The following SORCS1 variants were observed in gnomAD, a reference collection of about 807,000 sequenced individuals.
SORCS1 encodes the protein sortilin related VPS10 domain containing receptor 1.
In SORCS1, 60 loss-of-function variants were observed where a neutral mutation model predicts 146.1. That is an observed-to-expected ratio of 0.41 (90% CI 0.33 to 0.51). SORCS1 has a LOEUF of 0.51. Ranked by LOEUF, SORCS1 falls within the 20% of genes least tolerant of loss-of-function variation. SORCS1 has a pLI of 0.21. For synonymous variants in SORCS1, 637 were observed against 584.0 expected, an observed-to-expected ratio of 1.09 and a Z score of -1.31; for missense variants, 1,352 against 1,487.6, an observed-to-expected ratio of 0.91 and a Z score of 1.50.
At chr10:107,175,477 A>G in the SORCS1 span, among the ~76,000 whole-genome samples, 1 of 151,980 alleles carries the variant, frequency 6.6e-6, no homozygotes, top group Non-Finnish European at 1.5e-5. Context: ...TCGCTCTGTC[A>G]CCCGGGCTGG....
intron 1 of SORCS1, among the ~76,000 whole-genome samples, chr10:107,091,031 T>TC (rs1964146275): frequency 6.6e-6 from 1 of 152,092 alleles, no homozygotes; most frequent in African/African-American, 2.4e-5. Context: ...AAGCTCTATC[T>TC]CCATGAGGTG....
chr10:106,598,927 C>G (rs1272965751), intron 23 of SORCS1, among the ~76,000 whole-genome samples: 1 of 152,166 alleles, frequency 6.6e-6, no homozygotes, highest in Non-Finnish European at 1.5e-5. Context: ...CACCTGGGAT[C>G]CAGAGCAAGC....
chr10:107,139,458 T>C (rs1482411921), intron 1 of SORCS1, among the ~76,000 whole-genome samples: 2 of 152,060 alleles, frequency 1.3e-5, no homozygotes, highest in East Asian at 1.9e-4. Flanking sequence ...CTGCAATCAA[T>C]TGGTGACTGC....
intron 6 of SORCS1, among the ~76,000 whole-genome samples, chr10:106,715,472 G>A (rs559669792): frequency 6.6e-6 from 1 of 152,320 alleles, no homozygotes; most frequent in Non-Finnish European, 1.5e-5. Context: ...GAGGATCAGA[G>A]GTTTAAATGC....
At chr10:106,935,620 T>A (rs747034312) in intron 2 of SORCS1, among the ~76,000 whole-genome samples, 5 of 152,202 alleles carry the variant, frequency 3.3e-5, no homozygotes, top group Non-Finnish European at 5.9e-5. Flanking sequence ...TTATTAGAAA[T>A]GTAGAATGTT....
intron 2 of SORCS1, among the ~76,000 whole-genome samples, chr10:106,907,320 A>C (rs573333481): frequency 6.6e-6 from 1 of 152,328 alleles, no homozygotes. Flanking sequence ...TTAAAATAAT[A>C]TAGATTCATA....
chr10:106,855,417 GA>G (rs1949748625), intron 2 of SORCS1, among the ~76,000 whole-genome samples: 1 of 152,074 alleles, frequency 6.6e-6, no homozygotes, highest in Admixed American at 6.6e-5. Flanking sequence ...GAGTTTTCTA[GA>G]TCTGAGGTTT....
rs996685344 is a variant in SORCS1 at position 106,710,842 on chromosome 10, T to C, written c.1025-1501A>G. ...TTTATGTTCAGGAAGTTGGCCAAACTTTCTACCACTTTAAAGACTCTTCAT... is the reference window on the plus strand; with the variant it reads ...TTTATGTTCAGGAAGTTGGCCAAACCTTCTACCACTTTAAAGACTCTTCAT... On this transcript the variant is annotated intron_variant, in intron 6 of 25. Coordinates refer to ENST00000263054, the MANE Select transcript of SORCS1 (RefSeq NM_052918.5). 4.6e-5 allele frequency among the ~76,000 whole-genome samples: 7 copies of C among 152,280 alleles called. No homozygotes were observed. In the East Asian group the frequency reaches 1.3e-3, roughly 29 times the overall value.
chr10:106,654,026 C>T (rs1369658129), intron 17 of SORCS1, among the ~76,000 whole-genome samples: 1 of 152,150 alleles, frequency 6.6e-6, no homozygotes, highest in Non-Finnish European at 1.5e-5. Flanking sequence ...TTTTAATCTT[C>T]TTGAGAGTAC....
chr10:106,912,209 G>A (rs932647310), intron 2 of SORCS1, among the ~76,000 whole-genome samples: 1 of 152,108 alleles, frequency 6.6e-6, no homozygotes, highest in African/African-American at 2.4e-5. Flanking sequence ...AGACGGTAAG[G>A]CTGCACCTAC....
chr10:106,717,691 T>C (rs1035241101), intron 6 of SORCS1, among the ~76,000 whole-genome samples: 7 of 152,204 alleles, frequency 4.6e-5, no homozygotes, highest in Non-Finnish European at 8.8e-5. Flanking sequence ...AGCACACTAT[T>C]AGGTTGGTGC....
chr10:106,880,880 A>G (rs900883507), intron 2 of SORCS1, among the ~76,000 whole-genome samples: 7 of 152,050 alleles, frequency 4.6e-5, no homozygotes, highest in Middle Eastern at 3.4e-3. Flanking sequence ...CAAGGTCAGG[A>G]GATGGAGACC....
chr10:107,180,264 A>C, the SORCS1 span, among the ~76,000 whole-genome samples: 1 of 152,158 alleles, frequency 6.6e-6, no homozygotes, highest in East Asian at 1.9e-4. Flanking sequence ...TGTCAGTTCT[A>C]ATAACTCTTT....
intron 24 of SORCS1, among the ~76,000 whole-genome samples, chr10:106,581,348 C>A (rs1271409190): frequency 6.6e-6 from 1 of 151,650 alleles, no homozygotes; most frequent in Non-Finnish European, 1.5e-5. Flanking sequence ...CACACACACA[C>A]ACACACACAC....
chr10:106,975,868 C>T (rs1457176408), intron 1 of SORCS1, among the ~76,000 whole-genome samples: 1 of 152,156 alleles, frequency 6.6e-6, no homozygotes, highest in Non-Finnish European at 1.5e-5. Flanking sequence ...CATCTCCTGG[C>T]TGGGCATGGT....
At chr10:106,880,121 A>G (rs576883011) in intron 2 of SORCS1, among the ~76,000 whole-genome samples, 1 of 152,376 alleles carries the variant, frequency 6.6e-6, no homozygotes, top group East Asian at 1.9e-4. Flanking sequence ...AAGTGTTCAC[A>G]GTATCATTAT....
chr10:106,627,977 T>C (rs1848209621), intron 19 of SORCS1, among the ~76,000 whole-genome samples: 1 of 152,218 alleles, frequency 6.6e-6, no homozygotes, highest in Non-Finnish European at 1.5e-5. Flanking sequence ...TTACTAATAG[T>C]GCCTACTTCA....
intron 1 of SORCS1, among the ~76,000 whole-genome samples, chr10:107,138,384 G>A (rs983335699): frequency 1.3e-5 from 2 of 152,158 alleles, no homozygotes; most frequent in Admixed American, 6.5e-5. Context: ...GGATCTATCT[G>A]TCCAAAGAGA....
chr10:107,134,053 C>G (rs1329972391), intron 1 of SORCS1, among the ~76,000 whole-genome samples: 2 of 152,124 alleles, frequency 1.3e-5, no homozygotes, highest in African/African-American at 4.8e-5. Flanking sequence ...ATTATTACTA[C>G]TAGTAGTAGT....
Sources: gnomAD v4.1 joint callset for allele counts (sites outside exome capture counted in the v4.1 genomes callset) on GRCh38, gnomAD v4.1.1 for gene constraint, MANE v1.5 for transcripts, NCBI Gene and HGNC (gene_info 2026-07-23, HGNC 2026-07-21) for gene names.